Variants in MAP1S observed in about 807,000 individuals in gnomAD.
MAP1S encodes the protein microtubule-associated protein 1S.
MAP1S carries 27 observed loss-of-function variants against 60.9 expected under a neutral mutation model. The observed-to-expected ratio is 0.44, with a 90% CI of 0.33 to 0.61. The LOEUF (loss-of-function observed/expected upper bound fraction) is 0.61, where lower values mean the gene tolerates loss of function less well. Among genes scored for constraint, MAP1S ranks in the 20% least tolerant of loss-of-function variants. The probability of loss-of-function intolerance (pLI) is 0.03; values close to 1 mark genes in which losing one functional copy is unlikely to be tolerated. For missense variants in MAP1S, 1,608 were observed against 1,486.6 expected (o/e 1.08, Z -1.34); for synonymous variants, 826 against 694.2 (o/e 1.19, Z -2.98).
chr19:17,732,381 G>A (rs2080500409), intron 5 of MAP1S, among the ~76,000 whole-genome samples: 1 of 152,136 alleles, frequency 6.6e-6, no homozygotes, highest in South Asian at 2.1e-4. Context: ...TAAGATGCAG[G>A]GTCTGGCAGG....
intron 5 of MAP1S, among the ~76,000 whole-genome samples, chr19:17,731,981 A>G (rs941858289): frequency 3.9e-5 from 6 of 152,232 alleles, no homozygotes; most frequent in African/African-American, 1.4e-4. Flanking sequence ...GATTTTTTAC[A>G]TTATTGTTCA....
rs116714292 is a variant in MAP1S, at chr19:17,726,074, G to T, written c.690G>T (p.Pro230=). ...PPSPFELLEP[P]TSGGFLRLGR... is the part of the protein sequence containing the mutation. Reference sequence around the variant, plus strand: ...CCCCCTTCGAGCTGCTGGAGCCCCCGACCTCCGGGGGCTTCCTCAGGCTGG... The same window carrying T: ...CCCCCTTCGAGCTGCTGGAGCCCCCTACCTCCGGGGGCTTCCTCAGGCTGG... Residue 230 remains proline (P), a synonymous_variant, in exon 5 of 7, where the codon CCG becomes CCT. Coordinates refer to ENST00000324096, the MANE Select transcript of MAP1S (RefSeq NM_018174.6). The T allele has an allele frequency of 5.0e-6, 8 of 1,613,698 alleles. No individual in the cohort carries two copies. In the East Asian group the frequency reaches 1.8e-4, roughly 36 times the overall value.
In MAP1S at chr19:17,726,300, C is replaced by T. The variant is rs1467971601; in HGVS notation, c.916C>T (p.Arg306Trp). The T allele has an allele frequency of 1.2e-6, 2 of 1,607,208 alleles. No individual in the cohort carries two copies. Among genetic ancestry groups the T allele is most frequent in the East Asian group, 2.2e-5 (1 of 44,732 alleles). The change falls in exon 5 of 7, where the codon CGG becomes TGG. Residue 306 changes from arginine to tryptophan, a missense_variant. Coordinates refer to ENST00000324096, the MANE Select transcript of MAP1S (RefSeq NM_018174.6). ...DSLPGLNSLL[R>W]RKLAERSEVA... The stretch of plus-strand genomic sequence containing the variant: ...CCTCCCCGGCCTCAACAGCCTGCTG[C>T]GGCGCAAACTGGCGGAGCGCTCCGA...
chr19:17,723,856 C>G (rs965135218), intron 2 of MAP1S, among the ~76,000 whole-genome samples: 5 of 151,672 alleles, frequency 3.3e-5, no homozygotes, highest in African/African-American at 1.2e-4. Context: ...CTCCGTCTCA[C>G]AAAAAAAAGA....
chr19:17,725,887 C>A lies in MAP1S; in HGVS notation c.503C>A (p.Thr168Asn). The A allele has an allele frequency of 6.2e-7, 1 of 1,613,776 alleles. No homozygotes were observed. The highest frequency in any genetic ancestry group is 1.1e-5 in the South Asian group (1 of 91,066). Residue 168 changes from threonine (T) to asparagine (N), a missense_variant, in exon 5 of 7, where the codon ACC becomes AAC. Around this residue, in one of 4 missense-constraint regions of MAP1S, gnomAD observed 320 missense variants for 393.1 expected, o/e 0.81. Transcript: ENST00000324096. The surrounding 1 kb of genome is among the most constrained non-coding windows in gnomAD (Gnocchi z 4.2). Reference sequence around the variant, plus strand: ...GTGCAGCCGCCCATACTCACCATCACCTGCCCCACCTTCGGTGACTGGGCT... The same window carrying A: ...GTGCAGCCGCCCATACTCACCATCAACTGCCCCACCTTCGGTGACTGGGCT... ...PPVQPPILTI[T>N]CPTFGDWAQL...
At chr19:17,733,535 T>C in intron 6 of MAP1S, 107 bp downstream of exon 6, 2 of 897,694 alleles carry the variant, frequency 2.2e-6, no homozygotes, top group Non-Finnish European at 3.3e-6. Flanking sequence ...CACACGGGAA[T>C]GGGGGCGAAT....
intron 2 of MAP1S, among the ~76,000 whole-genome samples, chr19:17,721,877 C>T (rs2080373549): frequency 1.3e-5 from 2 of 152,096 alleles, no homozygotes; most frequent in South Asian, 2.1e-4. Flanking sequence ...TCTAGGGTGA[C>T]CCAGGGTGAG....
Position 17,731,391 on chromosome 19 carries a change from C to T in MAP1S, c.2789-1802C>T, listed in dbSNP as rs192292520. On this transcript the variant is annotated intron_variant, in intron 5 of 6. Transcript: ENST00000324096. ...TCCTTTCCCCATTGAATGTTTGGAA[C>T]GCTTGTTGAAGATCATTTCAGCATA... Among the ~76,000 whole-genome samples, 384 of 152,302 alleles carry T rather than the reference C, an allele frequency of 2.5e-3. 2 individuals carry two copies. The highest frequency in any genetic ancestry group is 0.02 in the Middle Eastern group (6 of 294).
chr19:17,726,960 A>G lies in MAP1S; in HGVS notation c.1576A>G (p.Lys526Glu). 1.9e-6 allele frequency: 3 copies of G among 1,574,312 alleles called. No individual in the cohort carries two copies. Among genetic ancestry groups the G allele is most frequent in the Non-Finnish European group, 2.6e-6 (3 of 1,160,662 alleles). ...EKEAKTPREL[K>E]KDPKPSVSRT... ...AGAAGCCAAGACCCCCCGGGAGTTG[A>G]AGAAAGACCCCAAACCGAGTGTCTC... The change falls in exon 5 of 7, where the codon AAG (lysine) becomes GAG (glutamate). Residue 526 changes from lysine to glutamate, a missense_variant. Coordinates refer to ENST00000324096, the MANE Select transcript of MAP1S (RefSeq NM_018174.6).
In MAP1S at chr19:17,725,856, C is replaced by T; in HGVS notation, c.472C>T (p.Pro158Ser). 1 of 1,613,208 alleles carries T rather than the reference C, an allele frequency of 6.2e-7. No homozygotes were observed. The highest frequency in any genetic ancestry group is 8.5e-7 in the Non-Finnish European group (1 of 1,179,912). ...EIRDILATTP[P>S]PVQPPILTIT... ...CCGGGACATCCTGGCCACCACGCCC[C>T]CACCTGTGCAGCCGCCCATACTCAC... The change falls in exon 5 of 7, where the codon CCA (proline) becomes TCA (serine). Residue 158 changes from proline to serine, a missense_variant. Around this residue, in one of 4 missense-constraint regions of MAP1S, gnomAD observed 320 missense variants for 393.1 expected, o/e 0.81. Transcript: ENST00000324096. The surrounding 1 kb of genome is among the most constrained non-coding windows in gnomAD (Gnocchi z 4.2).
chr19:17,725,698 T>C lies in MAP1S; in HGVS notation c.445-131T>C. On this transcript the variant is annotated intron_variant, in intron 4 of 6. Coordinates refer to ENST00000324096, the MANE Select transcript of MAP1S (RefSeq NM_018174.6). This position sits in a 1 kb window ranked among gnomAD's most constrained non-coding sequence, Gnocchi z 4.2. ...AAGAGCCTTGTGGCGCTGGAGAGGG[T>C]TGGGTTTTGGCGGGAGGGCCCTGAG... 3.5e-6 allele frequency: 3 copies of C among 846,946 alleles called. No homozygotes were observed. In the East Asian group the frequency reaches 7.8e-5, roughly 22 times the overall value. 52.5% of individuals were successfully genotyped at this position (846,946 alleles called of 1,614,324 possible).
At chr19:17,721,316 G>T (rs1038332133) in intron 2 of MAP1S, 1 of 434,532 alleles carries the variant, frequency 2.3e-6, no homozygotes. Context: ...TTTTTGATGA[G>T]AAACTGCTAT....
At chr19:17,732,674 C>G (rs553287512) in intron 5 of MAP1S, among the ~76,000 whole-genome samples, 35 of 152,228 alleles carry the variant, frequency 2.3e-4, no homozygotes, top group Non-Finnish European at 3.8e-4. Flanking sequence ...TTAAATGCCC[C>G]TTGAGCAAGT....
At chr19:17,733,050 G>A (rs984515767) in intron 5 of MAP1S, 143 bp from the exon 6 acceptor site, 70 of 584,578 alleles carry the variant, frequency 1.2e-4, no homozygotes, top group Middle Eastern at 4.5e-4. Flanking sequence ...AGTCATGAGC[G>A]CACCAGGCCT....
chr19:17,730,873 AT>A (rs1194981965), intron 5 of MAP1S, among the ~76,000 whole-genome samples: 3 of 138,298 alleles, frequency 2.2e-5, no homozygotes, highest in Non-Finnish European at 3.1e-5. Context: ...TGCCACATCG[AT>A]TTTTTTTCTT....
At chr19:17,720,352 C>T in intron 1 of MAP1S, 1 of 1,525,182 alleles carries the variant, frequency 6.6e-7, no homozygotes, top group Non-Finnish European at 8.8e-7. Context: ...TAGTGAGCAC[C>T]TGCTATGCGC....
Position 17,726,841 on chromosome 19 carries a change from G to A in MAP1S, c.1457G>A (p.Gly486Asp). ...TCCCGGGACAGCTCGAAGAGAGAGGGCCTCCTGGCCACCCACCCTAGACCT... is the reference window on the plus strand; with the variant it reads ...TCCCGGGACAGCTCGAAGAGAGAGGACCTCCTGGCCACCCACCCTAGACCT... ...VGSRDSSKRE[G>D]LLATHPRPGQ... The change falls in exon 5 of 7, where the codon GGC (glycine) becomes GAC (aspartate). Residue 486 changes from glycine to aspartate, a missense_variant. Around this residue, in one of 4 missense-constraint regions of MAP1S, gnomAD observed 1,167 missense variants for 961.4 expected, o/e 1.21. Coordinates refer to ENST00000324096, the MANE Select transcript of MAP1S (RefSeq NM_018174.6). 1 of 1,554,148 alleles carries A rather than the reference G, an allele frequency of 6.4e-7. No individual in the cohort carries two copies. The highest frequency in any genetic ancestry group is 1.2e-5 in the South Asian group (1 of 84,462).
In MAP1S at chr19:17,724,160, G is replaced by A. The variant is rs145799391; in HGVS notation, c.255G>A (p.Leu85=). 23 of 1,613,958 alleles carry A rather than the reference G, an allele frequency of 1.4e-5. No individual in the cohort carries two copies. Among genetic ancestry groups the A allele is most frequent in the Non-Finnish European group, 1.9e-5 (23 of 1,179,974 alleles). The stretch of plus-strand genomic sequence containing the variant: ...GCCTGCACCACCGTGGAGACAACCT[G>A]GAGACCCTGGTCCTCCTGAACCCAT... ...QRSLHHRGDN[L]ETLVLLNPSD... Residue 85 remains leucine, a synonymous_variant, in exon 3 of 7, where the codon CTG becomes CTA. Transcript: ENST00000324096.
At chr19:17,719,798 G>T in intron 1 of MAP1S, 178 bp downstream of exon 1, 1 of 184,690 alleles carries the variant, frequency 5.4e-6, no homozygotes, top group Non-Finnish European at 1.0e-5. Context: ...GCGGGCAAAG[G>T]CGGGGTGCCC....
Sources: gnomAD v4.1 joint callset for allele counts (sites outside exome capture counted in the v4.1 genomes callset) on GRCh38, gnomAD v4.1.1 for gene constraint, gnomAD v4.1.1 regional missense constraint, Gnocchi (gnomAD v3.1) non-coding constraint, MANE v1.5 for transcripts, NCBI Gene and HGNC (gene_info 2026-07-23, HGNC 2026-07-21) for gene names.